MED13L: variants seen among roughly 807,000 people sequenced by gnomAD.
MED13L encodes mediator of RNA polymerase II transcription subunit 13-like.
Under a neutral mutation model 220.9 loss-of-function variants are expected in MED13L, and 7 were observed. The ratio of observed to expected loss-of-function variants is 0.03; its 90% CI spans 0.02 to 0.06. MED13L has a LOEUF of 0.06. MED13L is among the 10% of genes least tolerant of loss of function. The pLI is 1.00. For missense variants in MED13L, 1,965 were observed against 2,760.5 expected (o/e 0.71, Z 6.46); for synonymous variants, 1,011 against 1,015.2 (o/e 1.00, Z 0.08).
intron 1 of MED13L, among the ~76,000 whole-genome samples, chr12:116,267,471 A>C (rs1022212920): frequency 1.6e-4 from 24 of 152,176 alleles, no homozygotes; most frequent in African/African-American, 5.3e-4. Flanking sequence ...GTAATTTACT[A>C]AAGGTCTCTT....
chr12:116,042,444 T>C (rs1881590322), intron 4 of MED13L, among the ~76,000 whole-genome samples: 1 of 152,164 alleles, frequency 6.6e-6, no homozygotes, highest in South Asian at 2.1e-4. Context: ...TACAGGCTGA[T>C]TACTCAGAAG....
chr12:116,133,113 C>T (rs986165649), intron 2 of MED13L, among the ~76,000 whole-genome samples: 3 of 152,048 alleles, frequency 2.0e-5, no homozygotes, highest in African/African-American at 7.3e-5. Flanking sequence ...TTTGACCATT[C>T]GATAGAAGGA....
chr12:116,181,001 G>C (rs576507007), intron 2 of MED13L, among the ~76,000 whole-genome samples: 6 of 148,294 alleles, frequency 4.0e-5, no homozygotes, highest in African/African-American at 1.2e-4. Flanking sequence ...CATGATCTCA[G>C]CTCACTGCAA....
chr12:115,988,864 C>T (rs1877875235), intron 17 of MED13L, among the ~76,000 whole-genome samples: 1 of 152,152 alleles, frequency 6.6e-6, no homozygotes, highest in East Asian at 1.9e-4. Context: ...AAGGACTCAC[C>T]CAAGCTGATC....
chr12:116,252,967 TA>T (rs1871688491), intron 1 of MED13L, among the ~76,000 whole-genome samples: 1 of 152,138 alleles, frequency 6.6e-6, no homozygotes, highest in South Asian at 2.1e-4. Flanking sequence ...CTATATCTAT[TA>T]AAGACACAGA....
intron 1 of MED13L, among the ~76,000 whole-genome samples, chr12:116,263,244 G>T (rs1463527564): frequency 6.6e-6 from 1 of 151,710 alleles, no homozygotes; most frequent in Non-Finnish European, 1.5e-5. Context: ...TTTCTGACAG[G>T]ATTCCCATTC....
chr12:116,207,684 A>G (rs1490564113), intron 2 of MED13L, among the ~76,000 whole-genome samples: 2 of 152,262 alleles, frequency 1.3e-5, no homozygotes, highest in South Asian at 4.1e-4. Flanking sequence ...AAGAAGATAC[A>G]GACAGATATA....
rs1876392555 is a variant in MED13L, at chr12:115,969,048, A to G, written c.6117T>C (p.Ile2039=). The G allele has an allele frequency of 6.2e-7, 1 of 1,613,920 alleles. No homozygotes were observed. The highest frequency in any genetic ancestry group is 8.5e-7 in the Non-Finnish European group (1 of 1,179,950). The change falls in exon 28 of 31, where the codon ATT becomes ATC. Residue 2039 remains isoleucine (I), a synonymous_variant. Transcript: ENST00000281928. ...LPFPDDMDND[I]GILMTGNLHS... is the part of the protein sequence containing the mutation. ...GGAGGTTCCCAGTCATTAATATGCC[A>G]ATATCATTGTCCATATCATCTGGGA...
chr12:115,980,691 C>CCT (rs1287881480), intron 23 of MED13L, 59 bp downstream of exon 23: 12 of 1,560,032 alleles, frequency 7.7e-6, no homozygotes, highest in Admixed American at 3.3e-5. Flanking sequence ...AGATAAAATA[C>CCT]CTCTTCTAGC....
intron 4 of MED13L, among the ~76,000 whole-genome samples, chr12:116,067,962 G>C (rs994842192): frequency 2.0e-5 from 3 of 152,166 alleles, no homozygotes; most frequent in Non-Finnish European, 4.4e-5. Flanking sequence ...TGGACAGAAA[G>C]ATGATATGTG....
chr12:116,200,582 T>C (rs1415500780), intron 2 of MED13L, among the ~76,000 whole-genome samples: 1 of 152,170 alleles, frequency 6.6e-6, no homozygotes, highest in Non-Finnish European at 1.5e-5. Flanking sequence ...CAGAAGAATA[T>C]GTACGTAAAC....
At chr12:115,998,446 GTGCTCACGGCTACCCAGTCCAGGTGC>G (rs1371956339) in intron 14 of MED13L, among the ~76,000 whole-genome samples, 1 of 152,222 alleles carries the variant, frequency 6.6e-6, no homozygotes, top group Non-Finnish European at 1.5e-5. Context: ...GTACCGTGCT[GTGCTCACGGCTACCCAGTCCAGGTGC>G]TGGGGACTTA....
intron 2 of MED13L, among the ~76,000 whole-genome samples, chr12:116,236,472 G>A (rs998845374): frequency 4.7e-5 from 7 of 150,374 alleles, no homozygotes; most frequent in East Asian, 1.9e-4. Flanking sequence ...ACAGAGCCTC[G>A]AACATACATT....
intron 4 of MED13L, among the ~76,000 whole-genome samples, chr12:116,084,772 G>A (rs542747440): frequency 7.0e-5 from 10 of 143,116 alleles, no homozygotes; most frequent in African/African-American, 1.0e-4. Flanking sequence ...GGACCCTGTC[G>A]CCAAAAAAAA....
At chr12:115,997,302 G>T (rs539124673) in intron 14 of MED13L, 72 bp from the exon 15 acceptor site, 1 of 1,169,414 alleles carries the variant, frequency 8.6e-7, no homozygotes, top group Non-Finnish European at 1.3e-6. Flanking sequence ...ATAGCCAGGC[G>T]CACTCTTTGG....
At chr12:116,086,148 T>C (rs1038259514) in intron 4 of MED13L, among the ~76,000 whole-genome samples, 1 of 152,186 alleles carries the variant, frequency 6.6e-6, no homozygotes, top group East Asian at 1.9e-4. Flanking sequence ...GCAGAGTGAT[T>C]TGAAACAAAA....
chr12:116,087,422 T>C (rs1019030229), intron 4 of MED13L, among the ~76,000 whole-genome samples: 1 of 152,222 alleles, frequency 6.6e-6, no homozygotes, highest in East Asian at 1.9e-4. Flanking sequence ...ACTGTATTCT[T>C]AACCATCTTT....
chr12:116,072,703 C>G (rs1488219402), intron 4 of MED13L, among the ~76,000 whole-genome samples: 1 of 152,154 alleles, frequency 6.6e-6, no homozygotes, highest in Non-Finnish European at 1.5e-5. Context: ...CGTGCCAGGC[C>G]CACAGTTCAC....
intron 4 of MED13L, among the ~76,000 whole-genome samples, chr12:116,033,687 CTTCCCTAGA>C (rs1222996909): frequency 2.0e-5 from 3 of 152,122 alleles, no homozygotes; most frequent in Admixed American, 2.0e-4. Context: ...CACCTTGGAG[CTTCCCTAGA>C]TATCAGGATT....
Sources: allele counts gnomAD v4.1 joint callset (sites outside exome capture counted in the v4.1 genomes callset), GRCh38; gene constraint gnomAD v4.1.1; transcripts MANE v1.5; gene names NCBI Gene and HGNC (gene_info 2026-07-23, HGNC 2026-07-21).